The following ARHGAP24 variants were observed in gnomAD, a reference collection of about 807,000 sequenced individuals.
ARHGAP24 encodes the protein Rho GTPase activating protein 24.
A neutral mutation model predicts 76.4 loss-of-function variants in ARHGAP24; 50 were observed. The observed-to-expected ratio is 0.65, with a 90% CI of 0.52 to 0.83. The LOEUF (loss-of-function observed/expected upper bound fraction) is 0.83. Among genes scored for constraint, ARHGAP24 ranks in the 40% least tolerant of loss-of-function variants. The pLI is 0.00. For synonymous variants in ARHGAP24, 345 were observed against 323.3 expected (o/e 1.07, Z -0.72); for missense variants, 930 against 914.2 (o/e 1.02, Z -0.22).
intron 4 of ARHGAP24, among the ~76,000 whole-genome samples, chr4:85,928,213 TTTCC>T (rs3840501): frequency 0.012 from 1,749 of 150,390 alleles, 24 homozygotes; most frequent in African/African-American, 0.039. Flanking sequence ...AAGGTTTCGT[TTTCC>T]TTCCTTCCTT....
chr4:85,705,502 A>T (rs1724279302), intron 2 of ARHGAP24, among the ~76,000 whole-genome samples: 1 of 152,226 alleles, frequency 6.6e-6, no homozygotes, highest in African/African-American at 2.4e-5. Context: ...ACCTGTAGAG[A>T]TAGCAACATT....
chr4:85,746,464 A>T (rs1370788082), intron 3 of ARHGAP24, among the ~76,000 whole-genome samples: 4 of 152,136 alleles, frequency 2.6e-5, no homozygotes, highest in African/African-American at 9.7e-5. Context: ...ATTTTTTCTT[A>T]TACTAGTTCT....
intron 5 of ARHGAP24, among the ~76,000 whole-genome samples, chr4:85,971,206 G>A (rs1017442915): frequency 2.6e-5 from 4 of 152,098 alleles, no homozygotes; most frequent in Non-Finnish European, 5.9e-5. Flanking sequence ...GCTAAGCTTC[G>A]AGTATCTATA....
intron 3 of ARHGAP24, chr4:85,827,791 C>T: frequency 4.9e-6 from 3 of 612,996 alleles, no homozygotes; most frequent in Non-Finnish European, 7.5e-6. Flanking sequence ...TGCTGGGGAG[C>T]GAGCCGTGGT....
intron 5 of ARHGAP24, among the ~76,000 whole-genome samples, chr4:85,962,737 C>T (rs999085877): frequency 6.6e-6 from 1 of 151,190 alleles, no homozygotes; most frequent in Non-Finnish European, 1.5e-5. Flanking sequence ...GATGTTACTT[C>T]ATTATGACTC....
chr4:85,566,250 G>T (rs896011510), intron 1 of ARHGAP24, among the ~76,000 whole-genome samples: 20 of 152,154 alleles, frequency 1.3e-4, no homozygotes, highest in Non-Finnish European at 2.4e-4. Context: ...CAGCTACCAT[G>T]GCCTGACTTC....
At chr4:85,707,372 C>T (rs183881290) in intron 2 of ARHGAP24, among the ~76,000 whole-genome samples, 48 of 152,060 alleles carry the variant, frequency 3.2e-4, no homozygotes, top group African/African-American at 8.2e-4. Context: ...TGTTTGAATG[C>T]GTCCTTGTGC....
At chr4:85,884,443 G>C (rs1463070924) in intron 3 of ARHGAP24, among the ~76,000 whole-genome samples, 1 of 152,126 alleles carries the variant, frequency 6.6e-6, no homozygotes, top group Non-Finnish European at 1.5e-5. Flanking sequence ...TTTTATCCCT[G>C]TAATCAGTTT....
At chr4:85,550,115 AC>A in intron 1 of ARHGAP24, among the ~76,000 whole-genome samples, 1 of 152,296 alleles carries the variant, frequency 6.6e-6, no homozygotes, top group East Asian at 1.9e-4. Context: ...TTGGGTATGT[AC>A]TCAATAATGG....
intron 1 of ARHGAP24, among the ~76,000 whole-genome samples, chr4:85,533,796 CA>C (rs1274991059): frequency 1.3e-5 from 2 of 151,966 alleles, no homozygotes; most frequent in African/African-American, 4.8e-5. Context: ...TGTATACATT[CA>C]AATGTAATAA....
Position 85,873,990 on chromosome 4 carries a change from C to T in ARHGAP24, c.269-49658C>T, listed in dbSNP as rs970612997. ...TTTAAGATTGGATGATTAAATTAGGCACTTCTGCTGTTACTCTGTGTATGG... is the reference window on the plus strand; with the variant it reads ...TTTAAGATTGGATGATTAAATTAGGTACTTCTGCTGTTACTCTGTGTATGG... On this transcript the variant is annotated intron_variant, in intron 3 of 9. Coordinates refer to ENST00000395184, the MANE Select transcript of ARHGAP24 (RefSeq NM_001025616.3). 3.3e-5 allele frequency among the ~76,000 whole-genome samples: 5 copies of T among 152,202 alleles called. No individual in the cohort carries two copies. In the South Asian group the frequency reaches 1.0e-3, roughly 32 times the overall value.
At chr4:85,622,384 A>T (rs538306775) in intron 2 of ARHGAP24, among the ~76,000 whole-genome samples, 1 of 151,354 alleles carries the variant, frequency 6.6e-6, no homozygotes, top group African/African-American at 2.4e-5. Context: ...GCTGAGAATG[A>T]TGGTTTCCAG....
chr4:85,977,531 G>T, intron 7 of ARHGAP24, 39 bp from the exon 8 acceptor site: 1 of 1,606,586 alleles, frequency 6.2e-7, no homozygotes, highest in South Asian at 1.1e-5. Flanking sequence ...TGGCAAATTT[G>T]ATCCCATTGT....
chr4:85,924,432 C>T lies in ARHGAP24; in HGVS notation c.391+662C>T, dbSNP rs182276092. Among the ~76,000 whole-genome samples the T allele has an allele frequency of 3.0e-4, 46 of 151,548 alleles. No homozygotes were observed. The East Asian group carries it at 5.4e-3, about 18-fold the overall frequency. On this transcript the variant is annotated intron_variant, in intron 4 of 9. Coordinates refer to ENST00000395184, the MANE Select transcript of ARHGAP24 (RefSeq NM_001025616.3). Reference sequence around the variant, plus strand: ...TCATATAAACAGAAAAAGTATTCAACGAAAATGAGCAAATGGACCAAAAAA... The same window carrying T: ...TCATATAAACAGAAAAAGTATTCAATGAAAATGAGCAAATGGACCAAAAAA...
chr4:85,560,889 G>T (rs548908732), intron 1 of ARHGAP24, among the ~76,000 whole-genome samples: 1 of 152,252 alleles, frequency 6.6e-6, no homozygotes, highest in East Asian at 1.9e-4. Context: ...AGTAACAACG[G>T]CAAATGTTTT....
intron 3 of ARHGAP24, among the ~76,000 whole-genome samples, chr4:85,759,743 G>A (rs1726665400): frequency 2.0e-5 from 3 of 152,130 alleles, no homozygotes; most frequent in Admixed American, 2.0e-4. Context: ...AAGAAGGGTG[G>A]TACATGAAAC....
chr4:85,725,873 G>A (rs1358223456), intron 3 of ARHGAP24, among the ~76,000 whole-genome samples: 2 of 152,148 alleles, frequency 1.3e-5, no homozygotes, highest in African/African-American at 4.8e-5. Flanking sequence ...TTTCTCCAGG[G>A]GTTATCAGCT....
intron 2 of ARHGAP24, among the ~76,000 whole-genome samples, chr4:85,690,772 T>A (rs1427881164): frequency 2.0e-5 from 3 of 148,898 alleles, no homozygotes; most frequent in African/African-American, 7.7e-5. Context: ...TTTTTTTTTT[T>A]ATTTCATGGA....
chr4:85,992,855 A>G (rs545977733), intron 8 of ARHGAP24, among the ~76,000 whole-genome samples: 21 of 152,288 alleles, frequency 1.4e-4, no homozygotes, highest in Admixed American at 1.4e-3. Flanking sequence ...TTCAATAGAT[A>G]TTTATCTTTA....
Sources: gnomAD v4.1 joint callset for allele counts (sites outside exome capture counted in the v4.1 genomes callset) on GRCh38, gnomAD v4.1.1 for gene constraint, MANE v1.5 for transcripts, NCBI Gene and HGNC (gene_info 2026-07-23, HGNC 2026-07-21) for gene names.